ISL2: variants seen among roughly 807,000 people sequenced by gnomAD.
ISL2 encodes the protein insulin gene enhancer protein ISL-2.
Under a neutral mutation model 34.6 loss-of-function variants are expected in ISL2, and 17 were observed. That is an observed-to-expected ratio of 0.49 (90% CI 0.34 to 0.74). ISL2 has a LOEUF of 0.74. ISL2 is among the 30% of genes least tolerant of loss of function. ISL2 has a pLI of 0.01. For missense variants in ISL2, 469 were observed against 515.2 expected (o/e 0.91, Z 0.87); for synonymous variants, 232 against 225.5 (o/e 1.03, Z -0.26).
At chr15:76,338,011 C>A in intron 2 of ISL2, 44 bp downstream of exon 2, 1 of 1,495,084 alleles carries the variant, frequency 6.7e-7, no homozygotes, top group South Asian at 1.3e-5. Context: ...CGCGCAGGGG[C>A]CGGGGCCGGG....
At chr15:76,337,725 G>C in intron 1 of ISL2, 53 bp from the exon 2 acceptor site, 8 of 1,473,396 alleles carry the variant, frequency 5.4e-6, no homozygotes, top group Non-Finnish European at 7.3e-6. Context: ...AGCCGAGGCC[G>C]GCCTGGGTCC....
chr15:76,340,590 CG>C, intron 4 of ISL2, 31 bp downstream of exon 4: 1 of 1,583,152 alleles, frequency 6.3e-7, no homozygotes. Flanking sequence ...AGGCTCGAGT[CG>C]GGTGGGGGCT....
At chr15:76,338,841 G>A in intron 3 of ISL2, 1 of 985,390 alleles carries the variant, frequency 1.0e-6, no homozygotes, top group Non-Finnish European at 1.2e-6. Context: ...GTCCGTCTTG[G>A]GGCTTGTATT....
chr15:76,340,255 G>C, intron 3 of ISL2, 21 bp from the exon 4 acceptor site: 1 of 1,572,536 alleles, frequency 6.4e-7, no homozygotes, highest in Non-Finnish European at 8.6e-7. Flanking sequence ...GCTAACCTCT[G>C]GCCTCACCCT....
intron 2 of ISL2, 123 bp downstream of exon 2, chr15:76,338,090 G>T: frequency 7.6e-7 from 1 of 1,321,068 alleles, no homozygotes; most frequent in Non-Finnish European, 9.9e-7. Context: ...ATCCCGCACG[G>T]GTGCCGCAGC....
Position 76,341,162 on chromosome 15 carries a change from T to C in ISL2, c.824T>C (p.Leu275Pro). ...TSLQGLTGTP[L>P]VAGSPIRHEN... is the part of the protein sequence containing the mutation. ...CTTCAGGGACTGACTGGGACGCCCC[T>C]GGTGGCGGGCAGTCCCATCCGCCAT... is the stretch of plus-strand genomic sequence containing the variant. The change falls in exon 5 of 6, where the codon CTG becomes CCG. Residue 275 changes from leucine to proline, a missense_variant. Physicochemically the swap from Leu to Pro is moderately conservative, Grantham distance 98. This residue lies in a region of ISL2 where 169 missense variants were observed against 154.2 expected (regional missense o/e 1.10). Transcript: ENST00000290759. The C allele has an allele frequency of 6.2e-7, 1 of 1,611,088 alleles. No homozygotes were observed. The highest frequency in any genetic ancestry group is 8.5e-7 in the Non-Finnish European group (1 of 1,179,086).
At chr15:76,338,570 G>A (rs564664027) in intron 3 of ISL2, 56 bp downstream of exon 3, 152 of 1,274,438 alleles carry the variant, frequency 1.2e-4, no homozygotes, top group Non-Finnish European at 1.4e-4. Flanking sequence ...GTGCGTGTGT[G>A]TAGGGGTACG....
Position 76,336,802 on chromosome 15 carries a change from G to C in ISL2, c.-82G>C. Reference sequence around the variant, plus strand: ...CAACTCCGCGGGGCAGTAGGAGTTAGTTAGCAAAGAGCCGAGGCCGGGCGC... The same window carrying C: ...CAACTCCGCGGGGCAGTAGGAGTTACTTAGCAAAGAGCCGAGGCCGGGCGC... On this transcript the variant is annotated 5_prime_UTR_variant, in exon 1 of 6. Transcript: ENST00000290759. 3.2e-6 allele frequency: 4 copies of C among 1,253,380 alleles called. No individual in the cohort carries two copies. Among genetic ancestry groups the C allele is most frequent in the Non-Finnish European group, 4.7e-6 (4 of 853,106 alleles). 77.6% of individuals were successfully genotyped at this position (1,253,380 alleles called of 1,614,324 possible).
chr15:76,338,778 G>C (rs934226815), intron 3 of ISL2: 3 of 985,328 alleles, frequency 3.0e-6, no homozygotes, highest in Non-Finnish European at 3.6e-6. Flanking sequence ...GGAACATGCA[G>C]GGCACAGTGC....
chr15:76,341,157 G>A lies in ISL2; in HGVS notation c.819G>A (p.Thr273=). The A allele has an allele frequency of 3.1e-6, 5 of 1,609,916 alleles. No homozygotes were observed. The highest frequency in any genetic ancestry group is 1.1e-5 in the South Asian group (1 of 90,886). The change falls in exon 5 of 6, where the codon ACG becomes ACA. Residue 273 remains threonine (T), a synonymous_variant. Coordinates refer to ENST00000290759, the MANE Select transcript of ISL2 (RefSeq NM_145805.3). ...AGAGCCTTCAGGGACTGACTGGGAC[G>A]CCCCTGGTGGCGGGCAGTCCCATCC... ...DKTSLQGLTG[T]PLVAGSPIRH... is the part of the protein sequence containing the mutation.
rs747604428 is a variant in ISL2 at position 76,342,297 on chromosome 15, G to A, written c.*462G>A. 1.9e-5 allele frequency: 3 copies of A among 157,360 alleles called. No individual in the cohort carries two copies. The highest frequency in any genetic ancestry group is 4.2e-5 in the Non-Finnish European group (3 of 71,538). The allele number at this position is 157,360 out of a possible 1,614,324, so 9.7% of individuals were successfully genotyped here. A position where few individuals can be genotyped will look rare whatever the true frequency, so the allele number is the denominator to read the frequency against. On this transcript the variant is annotated 3_prime_UTR_variant, in exon 6 of 6. Transcript: ENST00000290759. ...AGACACTCAAACTCCCAAAGCGCAT[G>A]ATTGCTGGGAAACAGTAGAAACCAG...
Position 76,337,904 on chromosome 15 carries a change from T to C in ISL2, c.185T>C (p.Leu62Pro), listed in dbSNP as rs910237094. 3.1e-6 allele frequency: 5 copies of C among 1,612,410 alleles called. No individual in the cohort carries two copies. Among genetic ancestry groups the C allele is most frequent in the African/African-American group, 1.3e-5 (1 of 74,900 alleles). Residue 62 changes from leucine to proline, a missense_variant, in exon 2 of 6, where the codon CTG (leucine) becomes CCG (proline). Physicochemically the swap from Leu to Pro is moderately conservative, Grantham distance 98. Coordinates refer to ENST00000290759, the MANE Select transcript of ISL2 (RefSeq NM_145805.3). ...AAGTGTGCCGAGTGCAGCCAGTACC[T>C]GGACGAGACGTGCACGTGCTTCGTG... is the stretch of plus-strand genomic sequence containing the variant. Reference protein sequence around the residue: ...CLKCAECSQYLDETCTCFVRD... With the variant: ...CLKCAECSQYPDETCTCFVRD...
rs1167245215 is a variant in ISL2 at position 76,337,823 on chromosome 15, A to G, written c.104A>G (p.His35Arg). The change falls in exon 2 of 6, where the codon CAC becomes CGC. Residue 35 changes from histidine to arginine, a missense_variant. Physicochemically the swap from His to Arg is conservative, Grantham distance 29 (BLOSUM62 0). Transcript: ENST00000290759. ...TGCGTGGGCTGCGGGAGTCAGATCC[A>G]CGACCAGTTTATCCTGCGGGTGTCG... ...AMCVGCGSQI[H>R]DQFILRVSPD... The G allele has an allele frequency of 2.5e-6, 4 of 1,611,142 alleles. No individual in the cohort carries two copies. The highest frequency in any genetic ancestry group is 1.7e-6 in the Non-Finnish European group (2 of 1,178,846).
At chr15:76,338,130 C>T (rs947588333) in intron 2 of ISL2, 122 bp from the exon 3 acceptor site, 4 of 1,369,264 alleles carry the variant, frequency 2.9e-6, no homozygotes, top group Non-Finnish European at 9.5e-7. Context: ...TGCCCGCAGG[C>T]GGGTCACCGC....
In ISL2 at chr15:76,342,449, G is replaced by C. The variant is rs1213011290; in HGVS notation, c.*614G>C. On this transcript the variant is annotated 3_prime_UTR_variant, in exon 6 of 6. Transcript: ENST00000290759. ...CAGTTCATAGTGGGACTTGTATTTTGATCTTAATAAAAAATAATAACCCGG... is the reference window on the plus strand; with the variant it reads ...CAGTTCATAGTGGGACTTGTATTTTCATCTTAATAAAAAATAATAACCCGG... The C allele has an allele frequency of 6.6e-6, 1 of 152,290 alleles. No homozygotes were observed. Among genetic ancestry groups the C allele is most frequent in the African/African-American group, 2.4e-5 (1 of 41,454 alleles). The allele number at this position is 152,290 out of a possible 1,614,324, so 9.4% of individuals were successfully genotyped here. A position where few individuals can be genotyped will look rare whatever the true frequency, so the allele number is the denominator to read the frequency against.
At position 76,336,822 on chromosome 15, in the gene ISL2, G is replaced by A. The variant is rs2040153066; in HGVS notation, c.-62G>A. On this transcript the variant is annotated 5_prime_UTR_variant, in exon 1 of 6. Coordinates refer to ENST00000290759, the MANE Select transcript of ISL2 (RefSeq NM_145805.3). Reference sequence around the variant, plus strand: ...AGTTAGTTAGCAAAGAGCCGAGGCCGGGCGCGCGACCCTCGTCCTTCTGCC... The same window carrying A: ...AGTTAGTTAGCAAAGAGCCGAGGCCAGGCGCGCGACCCTCGTCCTTCTGCC... 2 of 1,466,506 alleles carry A rather than the reference G, an allele frequency of 1.4e-6. No homozygotes were observed. The highest frequency in any genetic ancestry group is 2.3e-5 in the East Asian group (1 of 44,182). 90.8% of individuals were successfully genotyped at this position (1,466,506 alleles called of 1,614,324 possible). A position where few individuals can be genotyped will look rare whatever the true frequency, so the allele number is the denominator to read the frequency against.
intron 3 of ISL2, 181 bp from the exon 4 acceptor site, chr15:76,340,095 A>G (rs2040181975): frequency 7.1e-7 from 1 of 1,408,446 alleles, no homozygotes. Context: ...AAAGAACGAA[A>G]ATGCACAGCT....
At chr15:76,339,177 C>T (rs2040174267) in intron 3 of ISL2, 5 of 985,228 alleles carry the variant, frequency 5.1e-6, no homozygotes, top group Non-Finnish European at 6.0e-6. Context: ...GGTGCCTCCA[C>T]CCCAGGCAAG....
At position 76,340,417 on chromosome 15, in the gene ISL2, C is replaced by T. The variant is rs548400431; in HGVS notation, c.653C>T (p.Ala218Val). ...TCYAANPRPD[A>V]LMKEQLVEMT... Reference sequence around the variant, plus strand: ...TACGCCGCCAACCCGCGGCCCGACGCTCTCATGAAGGAGCAGCTGGTGGAG... The same window carrying T: ...TACGCCGCCAACCCGCGGCCCGACGTTCTCATGAAGGAGCAGCTGGTGGAG... Residue 218 changes from alanine to valine, a missense_variant, in exon 4 of 6, where the codon GCT (alanine) becomes GTT (valine). Ala to Val is a moderately conservative substitution (Grantham distance 64). Transcript: ENST00000290759. 2 of 1,613,772 alleles carry T rather than the reference C, an allele frequency of 1.2e-6. No individual in the cohort carries two copies. Among genetic ancestry groups the T allele is most frequent in the East Asian group, 2.2e-5 (1 of 44,866 alleles).
Sources: gnomAD v4.1 joint callset for allele counts on GRCh38, gnomAD v4.1.1 for gene constraint, gnomAD v4.1.1 regional missense constraint, MANE v1.5 for transcripts, NCBI Gene and HGNC (gene_info 2026-07-23, HGNC 2026-07-21) for gene names.